Variants in NOC2L observed in about 807,000 individuals in gnomAD.
The protein encoded by NOC2L is NOC2 like nucleolar associated transcriptional repressor, also known as nucleolar complex protein 2 homolog.
In NOC2L, 101 loss-of-function variants were observed where a neutral mutation model predicts 94.2. The ratio of observed to expected loss-of-function variants is 1.07; its 90% confidence interval spans 0.91 to 1.26. The LOEUF (loss-of-function observed/expected upper bound fraction) is 1.26, where lower values mean the gene tolerates loss of function less well. Ranked by LOEUF, NOC2L falls within the 50% of genes most tolerant of loss-of-function variation. The pLI is 0.00. For missense variants in NOC2L, 1,076 were observed against 980.1 expected, an observed-to-expected ratio of 1.10 and a Z score of -1.31; for synonymous variants, 531 against 413.4, an observed-to-expected ratio of 1.28 and a Z score of -3.45.
chr1:951,255 C>G lies in NOC2L; in HGVS notation c.1332-17G>C, dbSNP rs551667382. On this transcript the variant is annotated splice_polypyrimidine_tract_variant and intron_variant, in intron 11 of 18. Coordinates refer to ENST00000327044, the MANE Select transcript of NOC2L (RefSeq NM_015658.4). The stretch of plus-strand genomic sequence containing the variant: ...GGGATGAGCCTGGGGGTGGGAAGGC[C>G]GAGTGAGCAGAGGCCCCGGCTCTGG... 4 of 1,552,930 alleles carry G rather than the reference C, an allele frequency of 2.6e-6. No homozygotes were observed. The highest frequency in any genetic ancestry group is 1.2e-5 in the South Asian group (1 of 84,700).
intron 12 of NOC2L, 118 bp downstream of exon 12, chr1:951,009 A>G (rs1642246107): frequency 7.8e-6 from 6 of 768,198 alleles, no homozygotes; most frequent in Admixed American, 4.1e-5. Context: ...CACCCGTGAC[A>G]AGGAGGCGGC....
intron 2 of NOC2L, 116 bp from the exon 3 acceptor site, chr1:957,389 GC>G: frequency 1.9e-6 from 2 of 1,030,794 alleles, no homozygotes; most frequent in Non-Finnish European, 2.8e-6. Flanking sequence ...AGACAGGATT[GC>G]CAGGAGGTAC....
chr1:959,209 G>A lies in NOC2L; in HGVS notation c.26+6C>T. 3.1e-6 allele frequency: 5 copies of A among 1,609,926 alleles called. No individual in the cohort carries two copies. Among genetic ancestry groups the A allele is most frequent in the South Asian group, 1.1e-5 (1 of 90,796 alleles). On this transcript the variant is annotated splice_donor_region_variant and intron_variant, in intron 1 of 18. Transcript: ENST00000327044. ...GGCCAAATCGGCCCTCGGACCCGCG[G>A]CTTACCTCTTGCGGCTCCCCGCAGC...
At chr1:946,375 G>A (rs1262333253) in intron 15 of NOC2L, 27 bp downstream of exon 15, 3 of 1,613,420 alleles carry the variant, frequency 1.9e-6, no homozygotes, top group Non-Finnish European at 2.5e-6. Flanking sequence ...GTGCCCTCAG[G>A]TGGCACTACC....
chr1:956,264 T>G (rs1326715331), intron 4 of NOC2L, 49 bp from the exon 5 acceptor site: 4 of 1,603,692 alleles, frequency 2.5e-6, no homozygotes, highest in Non-Finnish European at 3.4e-6. Flanking sequence ...AGACTGCACT[T>G]GGCAGAGTGG....
At chr1:950,634 T>C (rs969173316) in intron 12 of NOC2L, among the ~76,000 whole-genome samples, 6 of 150,770 alleles carry the variant, frequency 4.0e-5, no homozygotes, top group Non-Finnish European at 5.9e-5. Flanking sequence ...CATACACACA[T>C]ACAGATGCAC....
chr1:954,766 G>A (rs28679271), intron 6 of NOC2L, among the ~76,000 whole-genome samples: 202 of 151,966 alleles, frequency 1.3e-3, no homozygotes, highest in East Asian at 6.6e-3. Context: ...GGTACGTGTC[G>A]CAGTGAGCTA....
At chr1:957,449 C>T in intron 2 of NOC2L, 176 bp from the exon 3 acceptor site, 2 of 622,508 alleles carry the variant, frequency 3.2e-6, no homozygotes, top group South Asian at 3.9e-5. Flanking sequence ...ACAACATACC[C>T]TCAAACACAC....
intron 16 of NOC2L, among the ~76,000 whole-genome samples, 162 bp from the exon 17 acceptor site, chr1:945,815 T>C (rs1642091073): frequency 6.6e-6 from 1 of 152,186 alleles, no homozygotes; most frequent in Non-Finnish European, 1.5e-5. Context: ...GTCCATCCCA[T>C]GTCCAAGGTC....
At position 944,222 on chromosome 1, in the gene NOC2L, T is replaced by A; in HGVS notation, c.*472A>T. ...CACCACTCAACACAATGGCCCTGCC[T>A]CCCACCGCTTTATTTCTTTCGGTTT... On this transcript the variant is annotated 3_prime_UTR_variant, in exon 19 of 19. Transcript: ENST00000327044. 1 of 1,468,308 alleles carries A rather than the reference T, an allele frequency of 6.8e-7. No individual in the cohort carries two copies. The allele number at this position is 1,468,308 out of a possible 1,614,324, so 91.0% of individuals were successfully genotyped here. A position where few individuals can be genotyped will look rare whatever the true frequency, so the allele number is the denominator to read the frequency against.
chr1:953,731 T>TC, intron 8 of NOC2L, 51 bp downstream of exon 8: 1 of 1,352,232 alleles, frequency 7.4e-7, no homozygotes, highest in Non-Finnish European at 1.1e-6. Flanking sequence ...GGGGTAGCCG[T>TC]GTGGCCCCCC....
chr1:953,629 TG>T (rs1294655306), intron 8 of NOC2L, among the ~76,000 whole-genome samples, 152 bp downstream of exon 8: 2 of 150,986 alleles, frequency 1.3e-5, no homozygotes, highest in Non-Finnish European at 3.0e-5. Context: ...CAGGTGGGGG[TG>T]GGGGCCAGGT....
rs1642027198 is a variant in NOC2L at position 944,473 on chromosome 1, AGCAGCCCACAGCTGTG to A, written c.*205_*220del. 1 of 700,824 alleles carries A rather than the reference AGCAGCCCACAGCTGTG, an allele frequency of 1.4e-6. No individual in the cohort carries two copies. Among genetic ancestry groups the A allele is most frequent in the Non-Finnish European group, 2.2e-6 (1 of 451,136 alleles). 43.4% of individuals were successfully genotyped at this position (700,824 alleles called of 1,614,324 possible). A position where few individuals can be genotyped will look rare whatever the true frequency, so the allele number is the denominator to read the frequency against. Reference sequence around the variant, plus strand: ...TCAGCTCCCCCGCGGAGCTGACTTCAGCAGCCCACAGCTGTGGGGCTTCAGCAGCCACACCAGCCCA... The same window carrying A: ...TCAGCTCCCCCGCGGAGCTGACTTCAGGGCTTCAGCAGCCACACCAGCCCA... On this transcript the variant is annotated 3_prime_UTR_variant, in exon 19 of 19. Transcript: ENST00000327044.
rs1424284560 is a variant in NOC2L, at chr1:948,114, G to A, written c.1659+17C>T. On this transcript the variant is annotated intron_variant, in intron 14 of 18. Coordinates refer to ENST00000327044, the MANE Select transcript of NOC2L (RefSeq NM_015658.4). ...CAGTCTGAGTCGGCCACGAGCCGGTGTGGGCAGGACACACACCTGCAGGAC... is the reference window on the plus strand; with the variant it reads ...CAGTCTGAGTCGGCCACGAGCCGGTATGGGCAGGACACACACCTGCAGGAC... 6 of 1,562,238 alleles carry A rather than the reference G, an allele frequency of 3.8e-6. No homozygotes were observed. The highest frequency in any genetic ancestry group is 5.2e-6 in the Non-Finnish European group (6 of 1,151,278).
At position 956,753 on chromosome 1, in the gene NOC2L, G is replaced by T. The variant is rs568687096; in HGVS notation, c.486+141C>A. On this transcript the variant is annotated intron_variant, in intron 4 of 18. Coordinates refer to ENST00000327044, the MANE Select transcript of NOC2L (RefSeq NM_015658.4). ...GAGAACAGCCCCTCCCACCAGCACA[G>T]CCTCAGGCGCCTCAGGTGAGGCAAG... 4 of 1,226,830 alleles carry T rather than the reference G, an allele frequency of 3.3e-6. No individual in the cohort carries two copies. In the South Asian group the frequency reaches 5.4e-5, roughly 17 times the overall value. The allele number at this position is 1,226,830 out of a possible 1,614,324, so 76.0% of individuals were successfully genotyped here. A position where few individuals can be genotyped will look rare whatever the true frequency, so the allele number is the denominator to read the frequency against.
At chr1:945,783 T>G in intron 16 of NOC2L, 130 bp from the exon 17 acceptor site, 3 of 1,155,428 alleles carry the variant, frequency 2.6e-6, no homozygotes, top group Non-Finnish European at 3.8e-6. Context: ...TGTTCCCAAA[T>G]CACAAAGCCA....
chr1:959,109 C>G, intron 1 of NOC2L, 28 bp from the exon 2 acceptor site: 2 of 1,609,958 alleles, frequency 1.2e-6, no homozygotes, highest in Non-Finnish European at 1.7e-6. Flanking sequence ...GTCACAGCTG[C>G]CCGCACGCCC....
At chr1:945,257 C>T in intron 17 of NOC2L, 111 bp from the exon 18 acceptor site, 1 of 1,375,422 alleles carries the variant, frequency 7.3e-7, no homozygotes, top group Non-Finnish European at 9.8e-7. Context: ...CCTCCGCTGA[C>T]TTCCAGCAGG....
At chr1:953,124 G>A (rs530617306) in intron 9 of NOC2L, 51 bp downstream of exon 9, 14 of 1,395,286 alleles carry the variant, frequency 1.0e-5, no homozygotes, top group African/African-American at 5.7e-5. Context: ...CCCTTAGGCC[G>A]AGATTTCCAA....
Sources: allele counts gnomAD v4.1 joint callset (sites outside exome capture counted in the v4.1 genomes callset), GRCh38; gene constraint gnomAD v4.1.1; transcripts MANE v1.5; gene names NCBI Gene and HGNC (gene_info 2026-07-23, HGNC 2026-07-21).